Variants in HSD17B6 observed in about 807,000 individuals in gnomAD.
The protein encoded by HSD17B6 is 17-beta-hydroxysteroid dehydrogenase type 6.
A neutral mutation model predicts 26.4 loss-of-function variants in HSD17B6; 16 were observed. That is an observed-to-expected ratio of 0.61 (90% CI 0.41 to 0.92). HSD17B6 has a LOEUF of 0.92. HSD17B6 is among the 40% of genes least tolerant of loss of function. The probability of loss-of-function intolerance (pLI) is 0.00; values close to 1 mark genes in which losing one functional copy is unlikely to be tolerated. For synonymous variants in HSD17B6, 139 were observed against 153.0 expected (o/e 0.91, Z 0.68); for missense variants, 357 against 386.1 (o/e 0.92, Z 0.63).
At chr12:56,784,412 C>T (rs939160754) in intron 3 of HSD17B6, among the ~76,000 whole-genome samples, 17 of 152,306 alleles carry the variant, frequency 1.1e-4, no homozygotes, top group African/African-American at 3.4e-4. Context: ...AACGAGACTC[C>T]GTCTGCAATC....
chr12:56,784,077 T>G, intron 3 of HSD17B6, among the ~76,000 whole-genome samples: 1 of 127,022 alleles, frequency 7.9e-6, no homozygotes, highest in African/African-American at 3.1e-5. Context: ...TCTCAGACGA[T>G]GGGCAGCCGG....
At chr12:56,774,212 G>T in intron 2 of HSD17B6, 47 bp downstream of exon 2, 1 of 1,495,694 alleles carries the variant, frequency 6.7e-7, no homozygotes, top group Non-Finnish European at 9.0e-7. Flanking sequence ...AAGATGCTAA[G>T]GTTATATATA....
At chr12:56,769,633 C>A (rs912849870) in intron 1 of HSD17B6, among the ~76,000 whole-genome samples, 1 of 152,106 alleles carries the variant, frequency 6.6e-6, no homozygotes, top group Non-Finnish European at 1.5e-5. Flanking sequence ...TCTTATTTAC[C>A]ATAGCAGGAA....
At chr12:56,766,820 G>A (rs1377999509) in intron 1 of HSD17B6, among the ~76,000 whole-genome samples, 1 of 152,138 alleles carries the variant, frequency 6.6e-6, no homozygotes, top group Non-Finnish European at 1.5e-5. Context: ...AGGGGTGAAG[G>A]GGAAGGGACG....
chr12:56,766,740 G>A (rs1396884960), intron 1 of HSD17B6, among the ~76,000 whole-genome samples: 1 of 152,190 alleles, frequency 6.6e-6, no homozygotes, highest in African/African-American at 2.4e-5. Flanking sequence ...GAAAGCTTCT[G>A]TGATAGGCCA....
At chr12:56,769,130 T>G (rs1592357930) in intron 1 of HSD17B6, among the ~76,000 whole-genome samples, 8 of 131,926 alleles carry the variant, frequency 6.1e-5, no homozygotes, top group Admixed American at 8.5e-5. Context: ...TGAGGCAGAG[T>G]CTCACTCTGT....
intron 1 of HSD17B6, among the ~76,000 whole-genome samples, chr12:56,766,675 A>T (rs117631507): frequency 1.3e-5 from 2 of 152,336 alleles, no homozygotes; most frequent in East Asian, 3.9e-4. Context: ...GAAATTAACC[A>T]GACAGCCCTA....
chr12:56,766,272 C>T (rs1954327036), intron 1 of HSD17B6, among the ~76,000 whole-genome samples: 1 of 152,194 alleles, frequency 6.6e-6, no homozygotes, highest in South Asian at 2.1e-4. Flanking sequence ...TTGTTGCTCA[C>T]ACAAAGCCTG....
chr12:56,774,388 T>A (rs1437775026), intron 2 of HSD17B6, among the ~76,000 whole-genome samples: 1 of 152,138 alleles, frequency 6.6e-6, no homozygotes, highest in South Asian at 2.1e-4. Flanking sequence ...TTACATAAAA[T>A]ACTAAATACT....
At chr12:56,770,581 A>G (rs570497239) in intron 1 of HSD17B6, 1 of 151,942 alleles carries the variant, frequency 6.6e-6, no homozygotes, top group South Asian at 2.1e-4. Context: ...TTATCAGGAT[A>G]TTTTTACTTA....
intron 1 of HSD17B6, among the ~76,000 whole-genome samples, chr12:56,769,170 T>C (rs1415804736): frequency 1.3e-5 from 2 of 151,098 alleles, no homozygotes; most frequent in African/African-American, 4.9e-5. Context: ...TGGCGTGATC[T>C]TGGCTTACTG....
intron 2 of HSD17B6, 109 bp from the exon 3 acceptor site, chr12:56,781,865 G>A (rs953507085): frequency 3.9e-5 from 42 of 1,090,072 alleles, no homozygotes; most frequent in Non-Finnish European, 5.1e-5. Context: ...CTCTCATGGG[G>A]GTGGTTAGTG....
chr12:56,765,430 G>A (rs948584976), intron 1 of HSD17B6, among the ~76,000 whole-genome samples: 4 of 151,956 alleles, frequency 2.6e-5, no homozygotes, highest in African/African-American at 7.3e-5. Flanking sequence ...GCAAGATTCC[G>A]TCTCAAAACA....
intron 1 of HSD17B6, among the ~76,000 whole-genome samples, chr12:56,773,326 A>G (rs1437678825): frequency 6.6e-6 from 1 of 152,210 alleles, no homozygotes; most frequent in African/African-American, 2.4e-5. Context: ...TCCACAGGAT[A>G]ACATCCAGAT....
intron 1 of HSD17B6, among the ~76,000 whole-genome samples, chr12:56,763,715 G>T (rs1268773374): frequency 6.6e-6 from 1 of 151,856 alleles, no homozygotes; most frequent in African/African-American, 2.4e-5. Flanking sequence ...TCTCGGCAGT[G>T]GGGGAAACAA....
At chr12:56,787,082 A>G (rs752224056) in intron 4 of HSD17B6, 43 bp from the exon 5 acceptor site, 12 of 1,422,082 alleles carry the variant, frequency 8.4e-6, no homozygotes, top group Admixed American at 5.2e-5. Flanking sequence ...TTAAAAATAT[A>G]AGGAATAAGA....
At chr12:56,772,891 T>G (rs2137906430) in intron 1 of HSD17B6, among the ~76,000 whole-genome samples, 1 of 152,218 alleles carries the variant, frequency 6.6e-6, no homozygotes, top group South Asian at 2.1e-4. Context: ...GGGACATTCA[T>G]GTCAAACTAA....
At chr12:56,775,400 A>T (rs1234039983) in intron 2 of HSD17B6, among the ~76,000 whole-genome samples, 1 of 151,832 alleles carries the variant, frequency 6.6e-6, no homozygotes, top group Non-Finnish European at 1.5e-5. Context: ...TTTTATTTTT[A>T]TTTTTAGCAG....
intron 2 of HSD17B6, among the ~76,000 whole-genome samples, chr12:56,775,142 T>C (rs930863011): frequency 4.6e-5 from 7 of 152,248 alleles, no homozygotes; most frequent in Non-Finnish European, 8.8e-5. Flanking sequence ...AGGTCTTTTG[T>C]GGCGTTTCAT....
Sources: gnomAD v4.1 joint callset for allele counts (sites outside exome capture counted in the v4.1 genomes callset) on GRCh38, gnomAD v4.1.1 for gene constraint, MANE v1.5 for transcripts, NCBI Gene and HGNC (gene_info 2026-07-23, HGNC 2026-07-21) for gene names.